Variants in SCTR observed in about 807,000 individuals in gnomAD.
SCTR encodes the protein secretin receptor.
A neutral mutation model predicts 60.8 loss-of-function variants in SCTR; 56 were observed. The ratio of observed to expected loss-of-function variants is 0.92; its 90% CI spans 0.74 to 1.15. The LOEUF (loss-of-function observed/expected upper bound fraction) is 1.15, where lower values mean the gene tolerates loss of function less well. Ranked by LOEUF, SCTR falls within the 50% of genes most tolerant of loss-of-function variation. The pLI, the probability that SCTR is intolerant of heterozygous loss-of-function variation, is 0.00. For synonymous variants in SCTR, 202 were observed against 217.0 expected (o/e 0.93, Z 0.61); for missense variants, 562 against 550.4 (o/e 1.02, Z -0.21).
chr2:119,452,161 G>C, intron 8 of SCTR, 82 bp from the exon 9 acceptor site: 1 of 841,084 alleles, frequency 1.2e-6, no homozygotes, highest in South Asian at 1.5e-5. Context: ...TCCCTGAGGT[G>C]GCCCTTGGTA....
At chr2:119,466,626 C>T (rs966107343) in intron 4 of SCTR, among the ~76,000 whole-genome samples, 2 of 152,144 alleles carry the variant, frequency 1.3e-5, no homozygotes, top group Non-Finnish European at 2.9e-5. Context: ...ATGGTGCACA[C>T]ATGTGGTCAC....
intron 1 of SCTR, among the ~76,000 whole-genome samples, chr2:119,501,226 C>T (rs13393907): frequency 0.038 from 5,707 of 151,968 alleles, 355 homozygotes; most frequent in African/African-American, 0.13. Context: ...CTGGCTAACA[C>T]GGTGAAACCC....
intron 1 of SCTR, among the ~76,000 whole-genome samples, chr2:119,516,804 A>G (rs1679130489): frequency 6.6e-6 from 1 of 152,094 alleles, no homozygotes; most frequent in Non-Finnish European, 1.5e-5. Flanking sequence ...CACTAAAAAT[A>G]CACAATTAGC....
chr2:119,523,534 CACGAG>C (rs1343946628), intron 1 of SCTR, among the ~76,000 whole-genome samples: 2 of 151,788 alleles, frequency 1.3e-5, no homozygotes, highest in African/African-American at 4.8e-5. Context: ...CCGCATCCCA[CACGAG>C]ACGGTGTGGG....
intron 10 of SCTR, 60 bp from the exon 11 acceptor site, chr2:119,446,945 T>C (rs1682956494): frequency 1.5e-6 from 2 of 1,369,540 alleles, no homozygotes; most frequent in South Asian, 2.1e-5. Flanking sequence ...TCTCCTCCTG[T>C]AGGCACACAG....
At chr2:119,507,781 C>T (rs867603440) in intron 1 of SCTR, among the ~76,000 whole-genome samples, 25 of 148,288 alleles carry the variant, frequency 1.7e-4, no homozygotes, top group African/African-American at 3.5e-4. Context: ...CAGGTTCAAG[C>T]GACTCTCCTG....
chr2:119,496,907 T>C (rs1678372965), intron 1 of SCTR, among the ~76,000 whole-genome samples: 1 of 152,036 alleles, frequency 6.6e-6, no homozygotes, highest in South Asian at 2.1e-4. Context: ...GCCTTGGTGA[T>C]GTTAGGAGGT....
At chr2:119,491,228 C>G (rs1319382199) in intron 2 of SCTR, among the ~76,000 whole-genome samples, 1 of 152,198 alleles carries the variant, frequency 6.6e-6, no homozygotes, top group Non-Finnish European at 1.5e-5. Flanking sequence ...CAGACGGTAA[C>G]ACTCCTGGCC....
At chr2:119,512,008 G>A (rs11676214) in intron 1 of SCTR, among the ~76,000 whole-genome samples, 1 of 151,922 alleles carries the variant, frequency 6.6e-6, no homozygotes, top group Non-Finnish European at 1.5e-5. Flanking sequence ...TTTGTCCCTA[G>A]ATATATGTAA....
intron 9 of SCTR, among the ~76,000 whole-genome samples, chr2:119,449,959 A>G (rs184098314): frequency 4.5e-5 from 4 of 88,668 alleles, no homozygotes; most frequent in African/African-American, 1.7e-4. Flanking sequence ...GAAGGAAGGA[A>G]GGAGGGAGGG....
In SCTR at chr2:119,524,198, T is replaced by C. The variant is rs1425876347; in HGVS notation, c.29A>G (p.Gln10Arg). The C allele has an allele frequency of 9.2e-6, 14 of 1,521,628 alleles. No homozygotes were observed. The highest frequency in any genetic ancestry group is 1.2e-5 in the Non-Finnish European group (14 of 1,133,834). 94.3% of individuals were successfully genotyped at this position (1,521,628 alleles called of 1,614,324 possible). Residue 10 changes from glutamine (Q) to arginine (R), a missense_variant, in exon 1 of 13, where the codon CAG becomes CGG. Coordinates refer to ENST00000019103, the MANE Select transcript of SCTR (RefSeq NM_002980.3). MRPHLSPPLQQLLLPVLLAC... is the reference protein window; with the variant it reads MRPHLSPPLRQLLLPVLLAC... Reference sequence around the variant, plus strand: ...GAGCAGCACCGGCAGTAGTAGCTGCTGCAGCGGCGGCGACAGGTGGGGACG... The same window carrying C: ...GAGCAGCACCGGCAGTAGTAGCTGCCGCAGCGGCGGCGACAGGTGGGGACG...
chr2:119,495,708 C>T (rs571999605), intron 1 of SCTR, among the ~76,000 whole-genome samples: 67 of 152,296 alleles, frequency 4.4e-4, no homozygotes, highest in African/African-American at 1.5e-3. Flanking sequence ...CTAGTGCTAT[C>T]GGAAAGGATC....
At position 119,451,589 on chromosome 2, in the gene SCTR, G is replaced by A. The variant is rs550553493; in HGVS notation, c.921+421C>T. 5.3e-5 allele frequency among the ~76,000 whole-genome samples: 8 copies of A among 152,146 alleles called. No individual in the cohort carries two copies. The South Asian group carries it at 1.2e-3, about 24-fold the overall frequency. ...GACCATGACCCCACTGAGCTTCCCC[G>A]ATCTGCACTCCCACCCTCTTCAGTG... is the stretch of plus-strand genomic sequence containing the variant. On this transcript the variant is annotated intron_variant, in intron 9 of 12. Transcript: ENST00000019103.
intron 2 of SCTR, among the ~76,000 whole-genome samples, chr2:119,482,312 G>A (rs2104861461): frequency 6.6e-6 from 1 of 152,342 alleles, no homozygotes; most frequent in South Asian, 2.1e-4. Flanking sequence ...CCCCTAGCAG[G>A]AGAGGGGAAG....
intron 9 of SCTR, among the ~76,000 whole-genome samples, chr2:119,451,101 G>A (rs1683148083): frequency 2.0e-5 from 3 of 152,246 alleles, no homozygotes; most frequent in Admixed American, 1.3e-4. Context: ...GGCAGCTACT[G>A]GAAGAGAAGG....
chr2:119,449,464 CAAATGCATGTGTCTGTCA>C (rs1274158141), intron 9 of SCTR, among the ~76,000 whole-genome samples: 1 of 152,062 alleles, frequency 6.6e-6, no homozygotes, highest in Non-Finnish European at 1.5e-5. Context: ...CTTAAAAGGT[CAAATGCATGTGTCTGTCA>C]AACATGTATG....
rs1326463398 is a variant in SCTR, at chr2:119,461,967, A to G, written c.670T>C (p.Tyr224His). Reference protein sequence around the residue: ...GCKLVMVLFQYCIMANYSWLL... With the variant: ...GCKLVMVLFQHCIMANYSWLL... ...CAGGAGTAGTTGGCCATGATGCAGT[A>G]CTGGAACAGCACCATGACCAGCTTG... Residue 224 changes from tyrosine (Y) to histidine (H), a missense_variant, in exon 7 of 13, where the codon TAC becomes CAC. Coordinates refer to ENST00000019103, the MANE Select transcript of SCTR (RefSeq NM_002980.3). The G allele has an allele frequency of 3.1e-6, 5 of 1,613,152 alleles. No individual in the cohort carries two copies. The South Asian group carries it at 3.3e-5, about 11-fold the overall frequency.
intron 9 of SCTR, among the ~76,000 whole-genome samples, chr2:119,451,196 G>C (rs947797948): frequency 6.6e-6 from 1 of 151,546 alleles, no homozygotes; most frequent in Non-Finnish European, 1.5e-5. Context: ...GCAGCCTTGG[G>C]CATCCCTGGG....
chr2:119,477,774 A>G (rs1677399399), intron 3 of SCTR, among the ~76,000 whole-genome samples: 1 of 152,114 alleles, frequency 6.6e-6, no homozygotes, highest in Non-Finnish European at 1.5e-5. Flanking sequence ...CTGTGGACAA[A>G]TTTGCATGAA....
Sources: gnomAD v4.1 joint callset for allele counts (sites outside exome capture counted in the v4.1 genomes callset) on GRCh38, gnomAD v4.1.1 for gene constraint, MANE v1.5 for transcripts, NCBI Gene and HGNC (gene_info 2026-07-23, HGNC 2026-07-21) for gene names.